SPINK1: variants seen among roughly 807,000 people sequenced by gnomAD.
The protein encoded by SPINK1 is serine protease inhibitor Kazal-type 1.
A neutral mutation model predicts 9.5 loss-of-function variants in SPINK1; 5 were observed. The observed-to-expected ratio is 0.52, with a 90% CI of 0.27 to 1.10. The LOEUF (loss-of-function observed/expected upper bound fraction) is 1.10, where lower values mean the gene tolerates loss of function less well. Among genes scored for constraint, SPINK1 ranks in the 50% least tolerant of loss-of-function variants. The probability of loss-of-function intolerance (pLI) is 0.11; values close to 1 mark genes in which losing one functional copy is unlikely to be tolerated. For missense variants in SPINK1, 88 were observed against 92.7 expected (o/e 0.95, Z 0.21); for synonymous variants, 37 against 32.3 (o/e 1.14, Z -0.49).
At chr5:147,830,968 A>G (rs952694534) in intron 1 of SPINK1, among the ~76,000 whole-genome samples, 1 of 152,192 alleles carries the variant, frequency 6.6e-6, no homozygotes, top group Non-Finnish European at 1.5e-5. Flanking sequence ...ATTTCCAGAT[A>G]CTAATAAGAA....
intron 1 of SPINK1, among the ~76,000 whole-genome samples, chr5:147,830,194 C>T (rs1294357708): frequency 6.6e-6 from 1 of 152,192 alleles, no homozygotes; most frequent in East Asian, 1.9e-4. Flanking sequence ...TGCCAACTCA[C>T]TATCAGTTCC....
At chr5:147,838,828 A>G in the SPINK1 span, among the ~76,000 whole-genome samples, 1 of 151,902 alleles carries the variant, frequency 6.6e-6, no homozygotes. Context: ...TTCATCTTCC[A>G]TCACTCTAGG....
upstream of SPINK1, among the ~76,000 whole-genome samples, chr5:147,836,296 TTGTGTGTGTGTGTGTGTG>T (rs58122057): frequency 3.4e-5 from 5 of 146,546 alleles, no homozygotes; most frequent in African/African-American, 7.6e-5. Flanking sequence ...ATTTACTGAT[TTGTGTGTGTGTGTGTGTG>T]TGTGTGTGTG....
At chr5:147,831,851 A>G (rs1756515305), upstream of SPINK1, 1 of 1,313,006 alleles carries the variant, frequency 7.6e-7, no homozygotes, top group Non-Finnish European at 9.8e-7. Flanking sequence ...TCTAGTGGTT[A>G]GTTTGATCCC....
At chr5:147,829,249 A>G (rs1373539374) in intron 2 of SPINK1, among the ~76,000 whole-genome samples, 1 of 152,226 alleles carries the variant, frequency 6.6e-6, no homozygotes, top group East Asian at 1.9e-4. Flanking sequence ...GGAGAGCTGC[A>G]TGCCAACATG....
Position 147,828,046 on chromosome 5 carries a change from T to A in SPINK1, c.170A>T (p.Glu57Val). ...CGTDGNTYPN[E>V]CVLCFENRKR... Reference sequence around the variant, plus strand: ...CCGATTTTCAAAACATAACACGCATTCATTGGGATAAGTATTTCCATCAGT... The same window carrying A: ...CCGATTTTCAAAACATAACACGCATACATTGGGATAAGTATTTCCATCAGT... Residue 57 changes from glutamate to valine, a missense_variant, in exon 3 of 4, where the codon GAA (glutamate) becomes GTA (valine). By Grantham distance (121) the Glu-to-Val change is moderately radical (BLOSUM62 -2). Coordinates refer to ENST00000296695, the MANE Select transcript of SPINK1 (RefSeq NM_001379610.1). 6.2e-7 allele frequency: 1 copy of A among 1,613,360 alleles called. No individual in the cohort carries two copies. Among genetic ancestry groups the A allele is most frequent in the Non-Finnish European group, 8.5e-7 (1 of 1,179,750 alleles).
chr5:147,836,323 T>C (rs995769604), upstream of SPINK1, among the ~76,000 whole-genome samples: 39 of 151,808 alleles, frequency 2.6e-4, no homozygotes, highest in Admixed American at 6.6e-4. Context: ...TGTGTGTGTG[T>C]GTGTGTGTAC....
At chr5:147,827,206 A>G (rs1428382054) in intron 3 of SPINK1, 2 of 151,976 alleles carry the variant, frequency 1.3e-5, no homozygotes, top group African/African-American at 4.8e-5. Context: ...CCTCCTGAGT[A>G]GCTGGTATTA....
chr5:147,828,034 C>T lies in SPINK1; in HGVS notation c.182G>A (p.Cys61Tyr). 6.2e-7 allele frequency: 1 copy of T among 1,612,730 alleles called. No individual in the cohort carries two copies. Among genetic ancestry groups the T allele is most frequent in the Non-Finnish European group, 8.5e-7 (1 of 1,179,412 alleles). ...GNTYPNECVL[C>Y]FENRKRQTSI... The stretch of plus-strand genomic sequence containing the variant: ...AGTTTGTACTCACCGATTTTCAAAA[C>T]ATAACACGCATTCATTGGGATAAGT... Residue 61 changes from cysteine (C) to tyrosine (Y), a missense_variant, in exon 3 of 4, where the codon TGT becomes TAT. Physicochemically the swap from Cys to Tyr is radical, Grantham distance 194 (BLOSUM62 -2). Coordinates refer to ENST00000296695, the MANE Select transcript of SPINK1 (RefSeq NM_001379610.1).
Position 147,828,014 on chromosome 5 carries a change from G to C in SPINK1, c.194+8C>G. ...TATAGTTTAAAAGAAACTCAAGTTT[G>C]TACTCACCGATTTTCAAAACATAAC... On this transcript the variant is annotated splice_region_variant and intron_variant, in intron 3 of 3. Coordinates refer to ENST00000296695, the MANE Select transcript of SPINK1 (RefSeq NM_001379610.1). The C allele has an allele frequency of 6.2e-7, 1 of 1,600,482 alleles. No homozygotes were observed. Among genetic ancestry groups the C allele is most frequent in the Non-Finnish European group, 8.6e-7 (1 of 1,169,282 alleles).
upstream of SPINK1, among the ~76,000 whole-genome samples, chr5:147,834,069 A>G (rs1756554573): frequency 6.6e-6 from 1 of 152,132 alleles, no homozygotes; most frequent in Non-Finnish European, 1.5e-5. Context: ...CTCCTATTGT[A>G]CGATCTTCAT....
At chr5:147,835,630 T>C (rs7727286), upstream of SPINK1, among the ~76,000 whole-genome samples, 1,236 of 152,236 alleles carry the variant, frequency 8.1e-3, 19 homozygotes, top group African/African-American at 0.027. Flanking sequence ...GACTAATTAT[T>C]CACCTGAGTA....
Position 147,831,644 on chromosome 5 carries a change from C to T in SPINK1, c.-67G>A. ...GCACTTACCACGTCTCTTCAGAAGC[C>T]TGGGACTGGAAGGGTCATATGGCAG... On this transcript the variant is annotated 5_prime_UTR_variant, in exon 1 of 4. Coordinates refer to ENST00000296695, the MANE Select transcript of SPINK1 (RefSeq NM_001379610.1). 1 of 1,602,214 alleles carries T rather than the reference C, an allele frequency of 6.2e-7. No individual in the cohort carries two copies. Among genetic ancestry groups the T allele is most frequent in the Admixed American group, 1.7e-5 (1 of 59,276 alleles).
chr5:147,832,155 G>T (rs1296289803), upstream of SPINK1, among the ~76,000 whole-genome samples: 2 of 152,208 alleles, frequency 1.3e-5, no homozygotes, highest in Non-Finnish European at 2.9e-5. Context: ...AAGCAAGAGA[G>T]AGAGAGGACT....
intron 3 of SPINK1, among the ~76,000 whole-genome samples, chr5:147,825,745 T>C (rs1208541800): frequency 6.6e-6 from 1 of 152,088 alleles, no homozygotes; most frequent in African/African-American, 2.4e-5. Flanking sequence ...CCAGCCAAAC[T>C]CTTTAAGATT....
At chr5:147,830,086 TATC>T (rs1756482732) in intron 1 of SPINK1, among the ~76,000 whole-genome samples, 1 of 152,244 alleles carries the variant, frequency 6.6e-6, no homozygotes, top group Admixed American at 6.5e-5. Context: ...GTGAAACAGT[TATC>T]ATAAGCAGTA....
upstream of SPINK1, among the ~76,000 whole-genome samples, chr5:147,833,527 C>G (rs1312163215): frequency 6.6e-6 from 1 of 152,126 alleles, no homozygotes; most frequent in Admixed American, 6.6e-5. Context: ...TTCCCTTTCC[C>G]CTTTCTATGC....
intron 2 of SPINK1, 38 bp from the exon 3 acceptor site, chr5:147,828,166 C>A: frequency 6.6e-7 from 1 of 1,514,644 alleles, no homozygotes; most frequent in Non-Finnish European, 9.1e-7. Context: ...TCCCATTATT[C>A]TCCATTCTTG....
the SPINK1 span, among the ~76,000 whole-genome samples, chr5:147,837,765 G>A: frequency 1.3e-5 from 2 of 148,606 alleles, no homozygotes; most frequent in Non-Finnish European, 3.0e-5. Flanking sequence ...GCAGTGGCAT[G>A]ATCTCAGCTT....
Sources: allele counts gnomAD v4.1 joint callset (sites outside exome capture counted in the v4.1 genomes callset), GRCh38; gene constraint gnomAD v4.1.1; transcripts MANE v1.5; gene names NCBI Gene and HGNC (gene_info 2026-07-23, HGNC 2026-07-21).